The following KDM2B variants were observed in gnomAD, a reference collection of about 807,000 sequenced individuals.
KDM2B encodes the protein lysine demethylase 2B.
In KDM2B, 26 loss-of-function variants were observed where a neutral mutation model predicts 150.0. The ratio of observed to expected loss-of-function variants is 0.17; its 90% confidence interval spans 0.13 to 0.24. KDM2B has a LOEUF of 0.24. Ranked by LOEUF, KDM2B falls within the 10% of genes least tolerant of loss-of-function variation. KDM2B has a pLI of 1.00. For missense variants in KDM2B, 1,265 were observed against 1,816.9 expected (o/e 0.70, Z 5.52); for synonymous variants, 734 against 729.5 (o/e 1.01, Z -0.10).
rs1885777644 is a variant in KDM2B at position 121,513,612 on chromosome 12, C to A, written c.1048-210G>T. Among the ~76,000 whole-genome samples the A allele has an allele frequency of 2.0e-5, 3 of 152,116 alleles. No individual in the cohort carries two copies. Among genetic ancestry groups the A allele is most frequent in the Admixed American group, 1.3e-4 (2 of 15,278 alleles). ...AGGCGGAGGACGAGGCCCGCATGAG[C>A]GCCTCATCTCAAAGGTCCCTGAGCT... is the stretch of plus-strand genomic sequence containing the variant. On this transcript the variant is annotated intron_variant, in intron 9 of 22. Transcript: ENST00000377071. This position sits in a 1 kb window ranked among gnomAD's most constrained non-coding sequence, Gnocchi z 5.0.
chr12:121,558,205 A>G (rs566715856), intron 4 of KDM2B, among the ~76,000 whole-genome samples: 37 of 152,328 alleles, frequency 2.4e-4, no homozygotes, highest in African/African-American at 8.9e-4. Context: ...TCTTTGTCGC[A>G]TGAGGAATGA....
chr12:121,444,037 G>T lies in KDM2B; in HGVS notation c.2426C>A (p.Pro809His), dbSNP rs1555289367. ...HLRKKRKYEK[P>H]QELSGRKRAS... ...CCGCTTGCGTCCACTCAGCTCCTGG[G>T]GCTTCTCGTATTTCCGCTTCTTCCT... The change falls in exon 16 of 23, where the codon CCC becomes CAC. Residue 809 changes from proline (P) to histidine (H), a missense_variant. By Grantham distance (77) the Pro-to-His change is moderately conservative. This residue lies in a region of KDM2B where 418 missense variants were observed against 402.4 expected (regional missense o/e 1.04). Transcript: ENST00000377071. 3 of 1,613,102 alleles carry T rather than the reference G, an allele frequency of 1.9e-6. No individual in the cohort carries two copies. The highest frequency in any genetic ancestry group is 1.7e-4 in the Middle Eastern group (1 of 6,058).
intron 12 of KDM2B, among the ~76,000 whole-genome samples, chr12:121,455,418 A>G (rs1273055602): frequency 6.6e-6 from 1 of 152,232 alleles, no homozygotes; most frequent in Non-Finnish European, 1.5e-5. Flanking sequence ...GACCATCCAA[A>G]GCAGCAAAGG....
chr12:121,466,961 G>A (rs1880074082), intron 12 of KDM2B, among the ~76,000 whole-genome samples: 1 of 148,154 alleles, frequency 6.7e-6, no homozygotes, highest in Non-Finnish European at 1.5e-5. Context: ...CACGCCCCCT[G>A]CCCGGGCCGG....
intron 12 of KDM2B, among the ~76,000 whole-genome samples, chr12:121,488,457 C>G (rs1883007566): frequency 6.6e-6 from 1 of 152,154 alleles, no homozygotes; most frequent in African/African-American, 2.4e-5. Flanking sequence ...GCGCTGTTAG[C>G]ACCTTTCACA....
intron 1 of KDM2B, chr12:121,580,010 AGC>A: frequency 6.5e-7 from 1 of 1,540,156 alleles, no homozygotes; most frequent in Non-Finnish European, 8.7e-7. Context: ...AAAAAAAAAA[AGC>A]TACACACCAA....
At chr12:121,524,829 G>T (rs928327000) in intron 8 of KDM2B, 3 of 312,306 alleles carry the variant, frequency 9.6e-6, no homozygotes, top group Non-Finnish European at 6.7e-6. Flanking sequence ...CAGGCCAAGC[G>T]ACCAGGGACA....
intron 11 of KDM2B, among the ~76,000 whole-genome samples, chr12:121,498,024 A>C (rs1555301328): frequency 6.6e-6 from 1 of 152,152 alleles, no homozygotes; most frequent in Non-Finnish European, 1.5e-5. Context: ...TGAACCCAGT[A>C]GGCAGAGGTT....
intron 4 of KDM2B, among the ~76,000 whole-genome samples, chr12:121,556,073 C>T (rs1291540684): frequency 1.3e-5 from 2 of 151,484 alleles, no homozygotes; most frequent in African/African-American, 4.9e-5. Flanking sequence ...ACTACAAGAA[C>T]GCACCACCAC....
intron 4 of KDM2B, among the ~76,000 whole-genome samples, chr12:121,565,022 G>A (rs1369194958): frequency 2.0e-5 from 3 of 151,948 alleles, no homozygotes; most frequent in Non-Finnish European, 4.4e-5. Context: ...TTTCTAAAGA[G>A]GGGTTTCATC....
At chr12:121,472,603 CAATA>C (rs146030604) in intron 12 of KDM2B, among the ~76,000 whole-genome samples, 189 of 152,288 alleles carry the variant, frequency 1.2e-3, no homozygotes, top group African/African-American at 4.5e-3. Flanking sequence ...AAAAACCACC[CAATA>C]AATATTTACA....
At chr12:121,474,484 A>C (rs1183453104) in intron 12 of KDM2B, among the ~76,000 whole-genome samples, 8 of 152,152 alleles carry the variant, frequency 5.3e-5, no homozygotes, top group Admixed American at 2.6e-4. Context: ...CCACTGCACT[A>C]CAGCCTGGGC....
At chr12:121,441,313 C>A in intron 19 of KDM2B, 80 bp from the exon 20 acceptor site, 1 of 1,362,594 alleles carries the variant, frequency 7.3e-7, no homozygotes, top group Non-Finnish European at 1.0e-6. Context: ...TAACTGTCCC[C>A]ACCTAACAAC....
intron 8 of KDM2B, among the ~76,000 whole-genome samples, chr12:121,527,653 C>CAAA (rs58304715): frequency 5.6e-4 from 33 of 58,532 alleles, no homozygotes; most frequent in Admixed American, 1.7e-3. Flanking sequence ...GACTCCGTCT[C>CAAA]AAAAAAAAAA....
chr12:121,501,473 A>T (rs1555301914), intron 11 of KDM2B, among the ~76,000 whole-genome samples: 1 of 152,210 alleles, frequency 6.6e-6, no homozygotes, highest in Non-Finnish European at 1.5e-5. Flanking sequence ...TCCAAGGAAT[A>T]CCAAGAGCTG....
chr12:121,478,903 A>G (rs1555297321), intron 12 of KDM2B, among the ~76,000 whole-genome samples: 1 of 38,842 alleles, frequency 2.6e-5, no homozygotes, highest in Non-Finnish European at 5.6e-5. Context: ...TGTTTTGTAG[A>G]GACAGAGTTT....
chr12:121,421,371 T>TAAAAAAAAAAAAAAAAAAA, the KDM2B span, among the ~76,000 whole-genome samples: 1 of 46,378 alleles, frequency 2.2e-5, no homozygotes, highest in Non-Finnish European at 4.4e-5. Context: ...ATCCCATCTC[T>TAAAAAAAAAAAAAAAAAAA]AAAAAAAAAA....
intron 12 of KDM2B, among the ~76,000 whole-genome samples, chr12:121,480,786 A>T (rs536195521): frequency 3.3e-5 from 5 of 151,926 alleles, no homozygotes; most frequent in African/African-American, 1.2e-4. Flanking sequence ...AACCCAAAAA[A>T]CAAAAAAACA....
At chr12:121,502,494 G>T (rs1190601223) in intron 11 of KDM2B, among the ~76,000 whole-genome samples, 2 of 152,142 alleles carry the variant, frequency 1.3e-5, no homozygotes, top group Admixed American at 1.3e-4. Flanking sequence ...GGTGGCGCAT[G>T]CCTGTAATCC....
Sources: allele counts gnomAD v4.1 joint callset (sites outside exome capture counted in the v4.1 genomes callset), GRCh38; gene constraint gnomAD v4.1.1; regional missense constraint gnomAD v4.1.1; non-coding constraint Gnocchi (gnomAD v3.1); transcripts MANE v1.5; gene names NCBI Gene and HGNC (gene_info 2026-07-23, HGNC 2026-07-21).